The following RSPO3 variants were observed in gnomAD, a reference collection of about 807,000 sequenced individuals.
RSPO3 encodes R-spondin 3, also known as R-spondin-3.
Under a neutral mutation model 36.5 loss-of-function variants are expected in RSPO3, and 17 were observed. The observed-to-expected ratio is 0.47, with a 90% CI of 0.32 to 0.70. The LOEUF (loss-of-function observed/expected upper bound fraction) is 0.70, where lower values mean the gene tolerates loss of function less well. Among genes scored for constraint, RSPO3 ranks in the 30% least tolerant of loss-of-function variants. The probability of loss-of-function intolerance (pLI) is 0.04; values close to 1 mark genes in which losing one functional copy is unlikely to be tolerated. For missense variants in RSPO3, 294 were observed against 322.5 expected, an observed-to-expected ratio of 0.91 and a Z score of 0.68; for synonymous variants, 108 against 107.0, an observed-to-expected ratio of 1.01 and a Z score of -0.06.
At chr6:127,174,052 C>T (rs1044960009) in intron 4 of RSPO3, among the ~76,000 whole-genome samples, 1 of 151,718 alleles carries the variant, frequency 6.6e-6, no homozygotes, top group East Asian at 1.9e-4. Context: ...TATTTGATAT[C>T]TATTTACAGT....
intron 4 of RSPO3, among the ~76,000 whole-genome samples, chr6:127,175,360 T>G (rs892375330): frequency 6.6e-6 from 1 of 151,716 alleles, no homozygotes; most frequent in East Asian, 2.0e-4. Flanking sequence ...TGAAAACCAG[T>G]AAGTAAAAGC....
Position 127,118,988 on chromosome 6 carries a change from AT to A in RSPO3, c.-202del. 1 of 417,382 alleles carries A rather than the reference AT, an allele frequency of 2.4e-6. No homozygotes were observed. The highest frequency in any genetic ancestry group is 4.2e-6 in the Non-Finnish European group (1 of 237,188). 25.9% of individuals were successfully genotyped at this position (417,382 alleles called of 1,614,324 possible). A position where few individuals can be genotyped will look rare whatever the true frequency, so the allele number is the denominator to read the frequency against. On this transcript the variant is annotated 5_prime_UTR_variant, in exon 1 of 5. It introduces an in-frame stop codon into an upstream open reading frame of the 5' UTR. Coordinates refer to ENST00000356698, the MANE Select transcript of RSPO3 (RefSeq NM_032784.5). ...GCCGCCGCAGTTCAGTGCTTGGATAATTTGAAAGTACAATAGTTGGTTTCCC... is the reference window on the plus strand; with the variant it reads ...GCCGCCGCAGTTCAGTGCTTGGATAATTGAAAGTACAATAGTTGGTTTCCC...
intron 1 of RSPO3, among the ~76,000 whole-genome samples, chr6:127,146,243 TCTTG>T (rs1774381723): frequency 6.6e-6 from 1 of 152,142 alleles, no homozygotes; most frequent in South Asian, 2.1e-4. Context: ...ACTAGGTCTT[TCTTG>T]CTTTTTCAAA....
At chr6:127,191,275 T>C (rs780797815) in intron 4 of RSPO3, among the ~76,000 whole-genome samples, 1 of 152,186 alleles carries the variant, frequency 6.6e-6, no homozygotes, top group Non-Finnish European at 1.5e-5. Context: ...TGAGAGTATA[T>C]ATTTGAAGAA....
intron 4 of RSPO3, among the ~76,000 whole-genome samples, chr6:127,179,124 A>G (rs1257581670): frequency 6.6e-6 from 1 of 151,882 alleles, no homozygotes; most frequent in Non-Finnish European, 1.5e-5. Context: ...TTGACAGAAA[A>G]ATATACCAAC....
chr6:127,180,487 C>CAAAAAAAAAAAAAAAAAAAAAAA (rs71543112), intron 4 of RSPO3, among the ~76,000 whole-genome samples: 2 of 42,642 alleles, frequency 4.7e-5, no homozygotes, highest in African/African-American at 8.4e-5. Flanking sequence ...TGGAAGAAAA[C>CAAAAAAAAAAAAAAAAAAAAAAA]AAAAAAAAAA....
At chr6:127,155,805 T>C (rs1479868683) in intron 4 of RSPO3, among the ~76,000 whole-genome samples, 3 of 151,888 alleles carry the variant, frequency 2.0e-5, no homozygotes, top group Admixed American at 1.3e-4. Flanking sequence ...AACACCGCCA[T>C]CAAACATTCC....
chr6:127,192,619 G>A, intron 4 of RSPO3: 1 of 982,238 alleles, frequency 1.0e-6, no homozygotes, highest in Non-Finnish European at 1.2e-6. Context: ...TCTCTTTGAT[G>A]TTTTCTACCC....
chr6:127,176,552 C>T (rs1049403873), intron 4 of RSPO3, among the ~76,000 whole-genome samples: 10 of 151,150 alleles, frequency 6.6e-5, no homozygotes, highest in South Asian at 2.1e-4. Context: ...ATTTTTGATA[C>T]GGTCAAACAA....
intron 4 of RSPO3, among the ~76,000 whole-genome samples, chr6:127,186,512 C>A (rs1775297978): frequency 6.6e-6 from 1 of 151,986 alleles, no homozygotes; most frequent in Admixed American, 6.6e-5. Context: ...TTTAAGTGTT[C>A]TTTACTGTGT....
intron 1 of RSPO3, among the ~76,000 whole-genome samples, chr6:127,144,121 G>T (rs1774333081): frequency 6.6e-6 from 1 of 152,130 alleles, no homozygotes; most frequent in Non-Finnish European, 1.5e-5. Flanking sequence ...ATGTATCAGT[G>T]TACACCCTTT....
At chr6:127,165,548 G>T (rs1310652635) in intron 4 of RSPO3, among the ~76,000 whole-genome samples, 1 of 151,982 alleles carries the variant, frequency 6.6e-6, no homozygotes, top group Non-Finnish European at 1.5e-5. Context: ...TATAAGACAA[G>T]GGAGTTTTTA....
At position 127,155,428 on chromosome 6, in the gene RSPO3, G is replaced by A; in HGVS notation, c.624G>A (p.Lys208=). Residue 208 remains lysine (K), a synonymous_variant, in exon 4 of 5, where the codon AAG becomes AAA. Coordinates refer to ENST00000356698, the MANE Select transcript of RSPO3 (RefSeq NM_032784.5). ...CAGTGCAAAGGAAGAAGTGTCAGAAGGGAGAACGAGGTACAATCATAATAA... is the reference window on the plus strand; with the variant it reads ...CAGTGCAAAGGAAGAAGTGTCAGAAAGGAGAACGAGGTACAATCATAATAA... ...KCTVQRKKCQ[K]GERGKKGRER... 1 of 1,613,128 alleles carries A rather than the reference G, an allele frequency of 6.2e-7. No homozygotes were observed. Among genetic ancestry groups the A allele is most frequent in the Non-Finnish European group, 8.5e-7 (1 of 1,179,440 alleles).
Position 127,119,134 on chromosome 6 carries a change from A to T in RSPO3, c.-59A>T. On this transcript the variant is annotated 5_prime_UTR_variant, in exon 1 of 5. Coordinates refer to ENST00000356698, the MANE Select transcript of RSPO3 (RefSeq NM_032784.5). ...CACCTACATATATTTTAAAAACATT[A>T]AATATAATTAACAATCAAAAGAAAG... The T allele has an allele frequency of 7.7e-7, 1 of 1,304,560 alleles. No individual in the cohort carries two copies. The highest frequency in any genetic ancestry group is 1.1e-6 in the Non-Finnish European group (1 of 909,050). 80.8% of individuals were successfully genotyped at this position (1,304,560 alleles called of 1,614,324 possible).
intron 4 of RSPO3, among the ~76,000 whole-genome samples, chr6:127,159,797 C>T (rs1206393619): frequency 6.6e-6 from 1 of 151,772 alleles, no homozygotes; most frequent in African/African-American, 2.4e-5. Context: ...TACAGGCACA[C>T]GCTGCCACAC....
chr6:127,169,357 T>C (rs982442043), intron 4 of RSPO3, among the ~76,000 whole-genome samples: 1 of 151,878 alleles, frequency 6.6e-6, no homozygotes, highest in Non-Finnish European at 1.5e-5. Flanking sequence ...TAGGTGACAG[T>C]TGTGTGCCAG....
intron 1 of RSPO3, among the ~76,000 whole-genome samples, chr6:127,128,173 C>G (rs1283548424): frequency 6.6e-6 from 1 of 152,040 alleles, no homozygotes; most frequent in Non-Finnish European, 1.5e-5. Flanking sequence ...AGATATTTTA[C>G]TGGCTATTGT....
At chr6:127,176,122 A>T (rs1184237198) in intron 4 of RSPO3, among the ~76,000 whole-genome samples, 1 of 151,776 alleles carries the variant, frequency 6.6e-6, no homozygotes, top group African/African-American at 2.4e-5. Flanking sequence ...TTTTGACCCC[A>T]ATGTTACCGT....
At chr6:127,146,023 T>C (rs1562244045) in intron 1 of RSPO3, among the ~76,000 whole-genome samples, 1 of 152,124 alleles carries the variant, frequency 6.6e-6, no homozygotes, top group Non-Finnish European at 1.5e-5. Flanking sequence ...TTATACGGCA[T>C]TCAAGAAAGC....
Sources: gnomAD v4.1 joint callset for allele counts (sites outside exome capture counted in the v4.1 genomes callset) on GRCh38, gnomAD v4.1.1 for gene constraint, MANE v1.5 for transcripts, NCBI Gene and HGNC (gene_info 2026-07-23, HGNC 2026-07-21) for gene names.